Variants in ADCY8 observed in about 807,000 individuals in gnomAD.
ADCY8 encodes the protein adenylate cyclase type 8.
In ADCY8, 51 loss-of-function variants were observed where a neutral mutation model predicts 119.7. The ratio of observed to expected loss-of-function variants is 0.43; its 90% confidence interval spans 0.34 to 0.54. The LOEUF (loss-of-function observed/expected upper bound fraction) is 0.54, where lower values mean the gene tolerates loss of function less well. Ranked by LOEUF, ADCY8 falls within the 20% of genes least tolerant of loss-of-function variation. The pLI is 0.03. For missense variants in ADCY8, 1,383 were observed against 1,598.8 expected (o/e 0.87, Z 2.30); for synonymous variants, 665 against 651.0 (o/e 1.02, Z -0.33).
chr8:131,039,986 G>A lies in ADCY8; in HGVS notation c.348C>T (p.Gly116=). 1.9e-6 allele frequency: 3 copies of A among 1,574,450 alleles called. No homozygotes were observed. Among genetic ancestry groups the A allele is most frequent in the Admixed American group, 3.7e-5 (2 of 54,488 alleles). ...CCCCGCCTCCGCTGCCGCTGGCACTGCCGCTCCCGCTGCGTTCCGGGAAGA... is the reference window on the plus strand; with the variant it reads ...CCCCGCCTCCGCTGCCGCTGGCACTACCGCTCCCGCTGCGTTCCGGGAAGA... ...TKVFPERSGS[G]SASGSGGGGD... The change falls in exon 1 of 18, where the codon GGC becomes GGT. Residue 116 remains glycine (G), a synonymous_variant. Coordinates refer to ENST00000286355, the MANE Select transcript of ADCY8 (RefSeq NM_001115.3).
chr8:130,836,150 T>C (rs1816978826), intron 12 of ADCY8, 127 bp downstream of exon 12: 2 of 1,077,646 alleles, frequency 1.9e-6, no homozygotes, highest in African/African-American at 1.6e-5. Flanking sequence ...GAATGCCTGA[T>C]TTGAGATATA....
chr8:130,784,176 G>A (rs1406524611), intron 16 of ADCY8, among the ~76,000 whole-genome samples: 2 of 152,092 alleles, frequency 1.3e-5, no homozygotes, highest in East Asian at 3.9e-4. Flanking sequence ...GTGAGTGTAT[G>A]TGGGTATGGG....
intron 13 of ADCY8, among the ~76,000 whole-genome samples, chr8:130,819,794 T>A (rs1816452303): frequency 6.6e-6 from 1 of 152,232 alleles, no homozygotes; most frequent in East Asian, 1.9e-4. Context: ...ACAGGAATTC[T>A]AGAAATGGCT....
chr8:130,902,522 T>A (rs948132912), intron 7 of ADCY8, among the ~76,000 whole-genome samples: 3 of 152,206 alleles, frequency 2.0e-5, no homozygotes, highest in East Asian at 3.8e-4. Context: ...CCCAGTGGAA[T>A]CTGGCCCATG....
At chr8:130,899,581 G>A (rs565601606) in intron 7 of ADCY8, among the ~76,000 whole-genome samples, 217 of 151,926 alleles carry the variant, frequency 1.4e-3, no homozygotes, top group Non-Finnish European at 2.6e-3. Context: ...ACTCCAGCCT[G>A]GGCGACAGAG....
At chr8:130,893,668 G>C (rs1563716759) in intron 7 of ADCY8, among the ~76,000 whole-genome samples, 1 of 70,450 alleles carries the variant, frequency 1.4e-5, no homozygotes, top group African/African-American at 3.4e-5. Context: ...GTGTGTGTGT[G>C]TGTGTGTGTG....
chr8:130,932,545 G>T (rs1820662630), intron 5 of ADCY8, among the ~76,000 whole-genome samples: 1 of 152,138 alleles, frequency 6.6e-6, no homozygotes, highest in Non-Finnish European at 1.5e-5. Context: ...ATGGGGGAAG[G>T]ATGATATGGG....
chr8:130,992,830 C>A (rs201426782), intron 1 of ADCY8, among the ~76,000 whole-genome samples: 2 of 47,702 alleles, frequency 4.2e-5, no homozygotes, highest in African/African-American at 1.4e-4. Flanking sequence ...GAGAATGGGG[C>A]TAAACTAATT....
chr8:130,886,982 G>GT (rs35140717), intron 7 of ADCY8, among the ~76,000 whole-genome samples: 65,799 of 149,116 alleles, frequency 0.44, 15,244 homozygotes, highest in East Asian at 0.64. Context: ...AAGAAAGGGC[G>GT]TTTTTTTTTT....
intron 15 of ADCY8, among the ~76,000 whole-genome samples, chr8:130,790,816 A>G (rs1815401961): frequency 6.6e-6 from 1 of 152,160 alleles, no homozygotes; most frequent in Non-Finnish European, 1.5e-5. Context: ...GCTCTGGGGC[A>G]ATATAGAAAG....
intron 6 of ADCY8, among the ~76,000 whole-genome samples, chr8:130,906,912 C>T (rs944228117): frequency 4.6e-5 from 7 of 151,698 alleles, no homozygotes; most frequent in Non-Finnish European, 7.4e-5. Flanking sequence ...TCTCCTTTTG[C>T]AGATGCTGAA....
chr8:130,921,378 G>A (rs181962922), intron 5 of ADCY8, among the ~76,000 whole-genome samples: 3 of 151,504 alleles, frequency 2.0e-5, no homozygotes, highest in Non-Finnish European at 4.4e-5. Flanking sequence ...AAATGCATGA[G>A]CATTTTTCAT....
chr8:130,980,677 T>A (rs1822212910), intron 2 of ADCY8, among the ~76,000 whole-genome samples: 1 of 152,208 alleles, frequency 6.6e-6, no homozygotes, highest in African/African-American at 2.4e-5. Context: ...GATCAATACT[T>A]GTTGAGCAAA....
At chr8:130,952,856 A>C (rs75797417) in intron 2 of ADCY8, among the ~76,000 whole-genome samples, 4,871 of 152,268 alleles carry the variant, frequency 0.032, 120 homozygotes, top group Middle Eastern at 0.071. Flanking sequence ...GTTGCCTGGG[A>C]GAGTGAGCTA....
At position 130,783,800 on chromosome 8, in the gene ADCY8, A is replaced by G; in HGVS notation, c.3159T>C (p.Cys1053=). Residue 1053 remains cysteine, a synonymous_variant, in exon 17 of 18, where the codon TGT becomes TGC. Coordinates refer to ENST00000286355, the MANE Select transcript of ADCY8 (RefSeq NM_001115.3). ...CACACAAATGTCCCCACTTGTCTTC[A>G]CATTGCTGAAGCAAACATGAGGAGA... The part of the protein sequence containing the change: ...VSGLSPEKQQ[C]EDKWGHLCAL... 1 of 1,611,182 alleles carries G rather than the reference A, an allele frequency of 6.2e-7. No homozygotes were observed. The highest frequency in any genetic ancestry group is 2.2e-5 in the East Asian group (1 of 44,862).
Position 130,780,434 on chromosome 8 carries a change from G to A in ADCY8, c.3712C>T (p.Pro1238Ser). 6.2e-7 allele frequency: 1 copy of A among 1,612,386 alleles called. No homozygotes were observed. The highest frequency in any genetic ancestry group is 8.5e-7 in the Non-Finnish European group (1 of 1,179,472). The change falls in exon 18 of 18, where the codon CCT (proline) becomes TCT (serine). Residue 1238 changes from proline to serine, a missense_variant. This residue lies in a region of ADCY8 where 928 missense variants were observed against 1,163.5 expected (regional missense o/e 0.80). Transcript: ENST00000286355. The part of the protein sequence containing the change: ...RTLLSPSGTE[P>S]GAQAEGTDKS... ...TCGGTGCCTTCAGCCTGGGCTCCAGGCTCTGTGCCGCTGGGTGACAACAAA... is the reference window on the plus strand; with the variant it reads ...TCGGTGCCTTCAGCCTGGGCTCCAGACTCTGTGCCGCTGGGTGACAACAAA...
At chr8:131,025,534 C>A (rs999665243) in intron 1 of ADCY8, among the ~76,000 whole-genome samples, 1 of 152,264 alleles carries the variant, frequency 6.6e-6, no homozygotes, top group East Asian at 1.9e-4. Context: ...GTGTCCATTC[C>A]GGTGATATAC....
intron 5 of ADCY8, among the ~76,000 whole-genome samples, chr8:130,913,206 ACT>A (rs1586565069): frequency 1.3e-5 from 2 of 151,926 alleles, no homozygotes; most frequent in East Asian, 3.9e-4. Flanking sequence ...ATCCAATTAC[ACT>A]CTTTTAGCTA....
Position 130,798,873 on chromosome 8 carries a change from AAC to A in ADCY8, c.3060+1551_3060+1552del, listed in dbSNP as rs763454548. On this transcript the variant is annotated intron_variant, in intron 15 of 17. Transcript: ENST00000286355. ...AAACTTCCATTGAGAAATGAATGGA[AAC>A]ACACACACACGCATGCACACACACA... is the stretch of plus-strand genomic sequence containing the variant. Among the ~76,000 whole-genome samples the A allele has an allele frequency of 1.9e-4, 29 of 152,112 alleles. 1 individual carries two copies. The East Asian group carries it at 3.1e-3, about 16-fold the overall frequency.
Sources: gnomAD v4.1 joint callset for allele counts (sites outside exome capture counted in the v4.1 genomes callset) on GRCh38, gnomAD v4.1.1 for gene constraint, gnomAD v4.1.1 regional missense constraint, MANE v1.5 for transcripts, NCBI Gene and HGNC (gene_info 2026-07-23, HGNC 2026-07-21) for gene names.